CCSER1: variants seen among roughly 807,000 people sequenced by gnomAD.
CCSER1 encodes coiled-coil serine rich protein 1.
In CCSER1, 41 loss-of-function variants were observed where a neutral mutation model predicts 82.0. The observed-to-expected ratio is 0.50, with a 90% CI of 0.39 to 0.65. The LOEUF (loss-of-function observed/expected upper bound fraction) is 0.65. Ranked by LOEUF, CCSER1 falls within the 30% of genes least tolerant of loss-of-function variation. The pLI is 0.00. For missense variants in CCSER1, 1,119 were observed against 1,064.2 expected (o/e 1.05, Z -0.72); for synonymous variants, 414 against 383.9 (o/e 1.08, Z -0.92).
chr4:91,050,369 T>C (rs536983549), intron 9 of CCSER1, among the ~76,000 whole-genome samples: 24 of 150,940 alleles, frequency 1.6e-4, no homozygotes, highest in Admixed American at 1.5e-3. Flanking sequence ...AGGCACAGGT[T>C]GCAGTGAGCA....
intron 10 of CCSER1, among the ~76,000 whole-genome samples, chr4:91,209,625 C>A (rs995962478): frequency 2.6e-5 from 4 of 151,720 alleles, no homozygotes; most frequent in Non-Finnish European, 5.9e-5. Flanking sequence ...GATACTTTGT[C>A]AAGGATATTC....
At chr4:90,759,568 G>T (rs1750109989) in intron 7 of CCSER1, among the ~76,000 whole-genome samples, 1 of 152,080 alleles carries the variant, frequency 6.6e-6, no homozygotes, top group African/African-American at 2.4e-5. Context: ...TGTTATTGTT[G>T]CACCATGGCC....
Position 91,140,102 on chromosome 4 carries a change from A to G in CCSER1, c.2217+54108A>G, listed in dbSNP as rs542059612. On this transcript the variant is annotated intron_variant, in intron 10 of 10. Coordinates refer to ENST00000509176, the MANE Select transcript of CCSER1 (RefSeq NM_001145065.2). ...CTTTATTCCTAATGACTGGTTAGAT[A>G]ATTATTAGGAATAAAGGTAGAGTGT... 2.0e-5 allele frequency among the ~76,000 whole-genome samples: 3 copies of G among 152,212 alleles called. No homozygotes were observed. The East Asian group carries it at 5.8e-4, about 29-fold the overall frequency.
At chr4:91,332,803 T>G (rs1747048632) in intron 10 of CCSER1, among the ~76,000 whole-genome samples, 1 of 151,996 alleles carries the variant, frequency 6.6e-6, no homozygotes, top group Admixed American at 6.6e-5. Context: ...CCAAGTGAAA[T>G]CTGAACCTAC....
chr4:90,916,141 C>A (rs1029987825), intron 8 of CCSER1, among the ~76,000 whole-genome samples: 1 of 152,156 alleles, frequency 6.6e-6, no homozygotes, highest in Non-Finnish European at 1.5e-5. Context: ...CAATGACTTT[C>A]CTCACAGAAT....
chr4:90,395,844 C>T (rs1405018166), intron 3 of CCSER1, among the ~76,000 whole-genome samples: 5 of 150,588 alleles, frequency 3.3e-5, no homozygotes, highest in Admixed American at 2.7e-4. Flanking sequence ...GAGGCCAAAG[C>T]GGCAGACATG....
intron 10 of CCSER1, among the ~76,000 whole-genome samples, chr4:91,305,275 A>G (rs1482928173): frequency 6.6e-6 from 1 of 152,078 alleles, no homozygotes; most frequent in Non-Finnish European, 1.5e-5. Context: ...AGAATTTTAC[A>G]ATTGAAGCCC....
At position 90,530,323 on chromosome 4, in the gene CCSER1, T is replaced by C. The variant is rs780003294; in HGVS notation, c.1724+61969T>C. On this transcript the variant is annotated intron_variant, in intron 5 of 10. Transcript: ENST00000509176. ...ATTATTGGTGTCAATGAAACTGATA[T>C]TGGTGGGCAAGGGGAGGCCAGTGGG... is the stretch of plus-strand genomic sequence containing the variant. Among the ~76,000 whole-genome samples, 3 of 152,206 alleles carry C rather than the reference T, an allele frequency of 2.0e-5. No individual in the cohort carries two copies. The South Asian group carries it at 6.2e-4, about 31-fold the overall frequency.
chr4:91,097,834 T>G (rs1724658033), intron 10 of CCSER1, among the ~76,000 whole-genome samples: 1 of 152,200 alleles, frequency 6.6e-6, no homozygotes, highest in African/African-American at 2.4e-5. Context: ...TTAAAATAGA[T>G]GATTTATGAA....
intron 9 of CCSER1, among the ~76,000 whole-genome samples, chr4:90,980,212 A>G (rs1378400596): frequency 2.6e-5 from 4 of 151,878 alleles, no homozygotes; most frequent in Non-Finnish European, 4.4e-5. Flanking sequence ...ACAGGTTCCA[A>G]AAATGCAAGC....
At chr4:91,080,951 G>A (rs939666191) in intron 9 of CCSER1, among the ~76,000 whole-genome samples, 2 of 152,144 alleles carry the variant, frequency 1.3e-5, no homozygotes, top group South Asian at 2.1e-4. Context: ...GGACCAGACG[G>A]ATTCACAGCC....
chr4:90,782,016 A>G, intron 7 of CCSER1: 5 of 838,488 alleles, frequency 6.0e-6, no homozygotes, highest in Non-Finnish European at 5.7e-6. Flanking sequence ...TATTTTCCTA[A>G]ATAGATTTAG....
At chr4:90,609,741 A>G (rs1402291044) in intron 5 of CCSER1, among the ~76,000 whole-genome samples, 1 of 152,218 alleles carries the variant, frequency 6.6e-6, no homozygotes, top group Non-Finnish European at 1.5e-5. Flanking sequence ...GAAAACATTT[A>G]TGAATAAGAG....
At chr4:90,834,376 T>A (rs1347678453) in intron 8 of CCSER1, among the ~76,000 whole-genome samples, 1 of 152,218 alleles carries the variant, frequency 6.6e-6, no homozygotes, top group Non-Finnish European at 1.5e-5. Flanking sequence ...AAAGAATTGA[T>A]AATGAACACC....
chr4:91,429,752 TTTA>T (rs756116384), intron 10 of CCSER1, among the ~76,000 whole-genome samples: 3 of 151,930 alleles, frequency 2.0e-5, no homozygotes, highest in Non-Finnish European at 1.5e-5. Context: ...GCATAAGAAT[TTTA>T]TTATATTTTC....
chr4:90,180,120 TTATATATA>T (rs59586682), intron 1 of CCSER1, among the ~76,000 whole-genome samples: 2 of 140,290 alleles, frequency 1.4e-5, no homozygotes, highest in African/African-American at 2.6e-5. Flanking sequence ...GCTTATGTAG[TTATATATA>T]TATATATATA....
chr4:91,598,342 A>G (rs1400209278), intron 10 of CCSER1, among the ~76,000 whole-genome samples: 1 of 152,196 alleles, frequency 6.6e-6, no homozygotes. Flanking sequence ...TTAGTAAATT[A>G]GATGAACAAA....
chr4:91,525,684 T>G (rs1760732275), intron 10 of CCSER1, among the ~76,000 whole-genome samples: 1 of 152,102 alleles, frequency 6.6e-6, no homozygotes, highest in Non-Finnish European at 1.5e-5. Flanking sequence ...CACATCATAT[T>G]TGTCTCCATC....
chr4:91,379,458 A>G (rs998661938), intron 10 of CCSER1, among the ~76,000 whole-genome samples: 49 of 152,254 alleles, frequency 3.2e-4, no homozygotes, highest in South Asian at 1.5e-3. Flanking sequence ...CAGGGATTCA[A>G]CTTCTTCCTG....
Sources: allele counts gnomAD v4.1 joint callset (sites outside exome capture counted in the v4.1 genomes callset), GRCh38; gene constraint gnomAD v4.1.1; transcripts MANE v1.5; gene names NCBI Gene and HGNC (gene_info 2026-07-23, HGNC 2026-07-21).